Variants in NUP214 observed in about 807,000 individuals in gnomAD.
NUP214 encodes nucleoporin 214.
A neutral mutation model predicts 196.2 loss-of-function variants in NUP214; 79 were observed. That is an observed-to-expected ratio of 0.40 (90% CI 0.34 to 0.49). The LOEUF is 0.49. Ranked by LOEUF, NUP214 falls within the 20% of genes least tolerant of loss-of-function variation. NUP214 has a pLI of 0.58. For missense variants in NUP214, 2,468 were observed against 2,539.0 expected (o/e 0.97, Z 0.60); for synonymous variants, 1,020 against 990.5 (o/e 1.03, Z -0.56).
chr9:131,178,460 C>A, intron 24 of NUP214, 50 bp downstream of exon 24: 3 of 1,332,112 alleles, frequency 2.3e-6, no homozygotes, highest in Non-Finnish European at 3.2e-6. Flanking sequence ...TCTGTAGTAG[C>A]GGTGGACTGC....
chr9:131,206,148 C>CTTTTTTTTTTTTTTTTTTTTTTT lies in NUP214; in HGVS notation c.5592+4445_5592+4446insTTTTTTTTTTTTTTTTTTTTTTT, dbSNP rs71265048. ...TCCACATAGAATTTTTTTCTTTTTT[C>CTTTTTTTTTTTTTTTTTTTTTTT]TTTTTTTTTTTTTTGAGACAGGGTT... On this transcript the variant is annotated intron_variant, in intron 30 of 35. Transcript: ENST00000359428. Among the ~76,000 whole-genome samples, 319 of 76,340 alleles carry CTTTTTTTTTTTTTTTTTTTTTTT rather than the reference C, an allele frequency of 4.2e-3. 67 individuals carry two copies. Among genetic ancestry groups the CTTTTTTTTTTTTTTTTTTTTTTT allele is most frequent in the East Asian group, 6.0e-3 (9 of 1,492 alleles). The allele number at this position is 76,340 out of a possible 152,430, so 50.1% of individuals were successfully genotyped here. A position where few individuals can be genotyped will look rare whatever the true frequency, so the allele number is the denominator to read the frequency against.
At chr9:131,175,111 G>A (rs1833078023) in intron 22 of NUP214, among the ~76,000 whole-genome samples, 1 of 152,172 alleles carries the variant, frequency 6.6e-6, no homozygotes, top group Non-Finnish European at 1.5e-5. Context: ...TCAGTACAGT[G>A]TCAGGGCTTT....
Position 131,178,372 on chromosome 9 carries a change from A to G in NUP214, c.3381A>G (p.Glu1127=). 1.2e-6 allele frequency: 2 copies of G among 1,613,992 alleles called. No homozygotes were observed. The highest frequency in any genetic ancestry group is 1.3e-5 in the African/African-American group (1 of 75,056). ...KNVPQVVNVQ[E]LKNNPATPST... ...TCCCTCAAGTGGTAAATGTGCAGGA[A>G]TTGAAGAATAACCCTGCAACCCCTT... Residue 1127 remains glutamate, a synonymous_variant, in exon 24 of 36, where the codon GAA becomes GAG. Transcript: ENST00000359428.
Position 131,192,089 on chromosome 9 carries a change from T to C in NUP214, c.3575-119T>C. On this transcript the variant is annotated intron_variant, in intron 26 of 35. Coordinates refer to ENST00000359428, the MANE Select transcript of NUP214 (RefSeq NM_005085.4). ...CCACTGACGTGTCACAGAAGGCACA[T>C]GTGGTGCTAAGCAGCACCTCACAGG... 3.3e-6 allele frequency: 2 copies of C among 611,820 alleles called. 1 individual carries two copies. Among genetic ancestry groups the C allele is most frequent in the Admixed American group, 7.3e-5 (2 of 27,538 alleles). The allele number at this position is 611,820 out of a possible 1,614,324, so 37.9% of individuals were successfully genotyped here. A position where few individuals can be genotyped will look rare whatever the true frequency, so the allele number is the denominator to read the frequency against.
intron 17 of NUP214, among the ~76,000 whole-genome samples, chr9:131,152,840 C>T (rs1208368365): frequency 6.6e-6 from 1 of 151,748 alleles, no homozygotes; most frequent in Non-Finnish European, 1.5e-5. Flanking sequence ...GAAGTGGCAC[C>T]ATCACAGCTC....
chr9:131,136,098 T>A, intron 9 of NUP214, 92 bp downstream of exon 9: 1 of 1,036,788 alleles, frequency 9.6e-7, no homozygotes, highest in Non-Finnish European at 1.4e-6. Flanking sequence ...TGGAGTGCAG[T>A]GGTGCAATTT....
intron 18 of NUP214, among the ~76,000 whole-genome samples, chr9:131,161,211 C>G (rs1018867747): frequency 6.7e-6 from 1 of 149,640 alleles, no homozygotes; most frequent in Admixed American, 6.7e-5. Flanking sequence ...TAGCACTTCT[C>G]TGTTTCAGGG....
chr9:131,173,787 C>T (rs1252416339), intron 21 of NUP214, among the ~76,000 whole-genome samples: 1 of 152,086 alleles, frequency 6.6e-6, no homozygotes, highest in Non-Finnish European at 1.5e-5. Context: ...TTGACACCAG[C>T]ATTAATTCTG....
At chr9:131,127,361 C>T (rs1221963596) in intron 1 of NUP214, among the ~76,000 whole-genome samples, 163 bp from the exon 2 acceptor site, 3 of 152,166 alleles carry the variant, frequency 2.0e-5, no homozygotes, top group East Asian at 3.9e-4. Context: ...CCAGCCTGGA[C>T]GACAGAGCGA....
intron 32 of NUP214, among the ~76,000 whole-genome samples, chr9:131,226,907 A>G (rs541455551): frequency 2.6e-5 from 4 of 152,222 alleles, no homozygotes; most frequent in Non-Finnish European, 5.9e-5. Context: ...TACATAAACA[A>G]TAAGAAGTCT....
intron 23 of NUP214, 118 bp downstream of exon 23, chr9:131,175,739 A>T: frequency 7.2e-7 from 1 of 1,383,724 alleles, no homozygotes; most frequent in African/African-American, 1.5e-5. Context: ...AGAAGAGAAG[A>T]TTGATGTGAC....
At position 131,130,137 on chromosome 9, in the gene NUP214, G is replaced by T. The variant is rs11244301; in HGVS notation, c.593-629G>T. Reference sequence around the variant, plus strand: ...GAGCAGGAGAATGATTTCTGGTTTTGTTTTTTTTTTTTTGTTTTTTTTTTG... The same window carrying T: ...GAGCAGGAGAATGATTTCTGGTTTTTTTTTTTTTTTTTTGTTTTTTTTTTG... On this transcript the variant is annotated intron_variant, in intron 4 of 35. Transcript: ENST00000359428. 3.1e-3 allele frequency among the ~76,000 whole-genome samples: 239 copies of T among 76,916 alleles called. 5 individuals are homozygous for T. The highest frequency in any genetic ancestry group is 3.3e-3 in the African/African-American group (66 of 19,976). The allele number at this position is 76,916 out of a possible 152,430, so 50.5% of individuals were successfully genotyped here.
At chr9:131,137,374 A>G (rs1831761661) in intron 9 of NUP214, among the ~76,000 whole-genome samples, 1 of 152,140 alleles carries the variant, frequency 6.6e-6, no homozygotes. Flanking sequence ...CTGCTTTATA[A>G]CTAGTAATTG....
chr9:131,221,934 TTATC>T (rs1392686417), intron 31 of NUP214, among the ~76,000 whole-genome samples: 1 of 152,190 alleles, frequency 6.6e-6, no homozygotes, highest in Admixed American at 6.5e-5. Context: ...CTTTGTCTGT[TTATC>T]TATTATTATC....
chr9:131,130,137 G>GTTTTTTTTTTTGTTTTTTTTTTTTT (rs1554728065), intron 4 of NUP214, among the ~76,000 whole-genome samples: 11 of 76,894 alleles, frequency 1.4e-4, no homozygotes, highest in Non-Finnish European at 2.3e-4. Flanking sequence ...TTCTGGTTTT[G>GTTTTTTTTTTTGTTTTTTTTTTTTT]TTTTTTTTTT....
intron 21 of NUP214, 68 bp from the exon 22 acceptor site, chr9:131,173,987 T>A: frequency 6.5e-7 from 1 of 1,538,234 alleles, no homozygotes; most frequent in Non-Finnish European, 8.7e-7. Flanking sequence ...TTATCAACAG[T>A]GAAAATTACT....
chr9:131,148,703 G>A (rs1832157095), intron 14 of NUP214, among the ~76,000 whole-genome samples: 1 of 152,046 alleles, frequency 6.6e-6, no homozygotes, highest in Admixed American at 6.6e-5. Context: ...TTTATGTTGT[G>A]TCTGTTCATG....
At chr9:131,215,959 A>G (rs966934301) in intron 31 of NUP214, among the ~76,000 whole-genome samples, 1 of 142,574 alleles carries the variant, frequency 7.0e-6, no homozygotes, top group African/African-American at 2.7e-5. Context: ...CTGGTGTGCA[A>G]TGGCGTGATC....
chr9:131,134,746 C>A, intron 7 of NUP214, 152 bp from the exon 8 acceptor site: 2 of 614,590 alleles, frequency 3.3e-6, no homozygotes, highest in South Asian at 2.0e-5. Flanking sequence ...ACTCCTTGTA[C>A]TAAGTGCTGC....
Sources: allele counts gnomAD v4.1 joint callset (sites outside exome capture counted in the v4.1 genomes callset), GRCh38; gene constraint gnomAD v4.1.1; transcripts MANE v1.5; gene names NCBI Gene and HGNC (gene_info 2026-07-23, HGNC 2026-07-21).